SLC2A9: variants seen among roughly 807,000 people sequenced by gnomAD.
SLC2A9 encodes the protein solute carrier family 2, facilitated glucose transporter member 9.
A neutral mutation model predicts 50.6 loss-of-function variants in SLC2A9; 39 were observed. The ratio of observed to expected loss-of-function variants is 0.77; its 90% confidence interval spans 0.60 to 1.01. The LOEUF (loss-of-function observed/expected upper bound fraction) is 1.01, where lower values mean the gene tolerates loss of function less well. SLC2A9 is among the 50% of genes least tolerant of loss of function. The pLI, the probability that SLC2A9 is intolerant of heterozygous loss-of-function variation, is 0.00. For synonymous variants in SLC2A9, 324 were observed against 276.9 expected (o/e 1.17, Z -1.69); for missense variants, 686 against 677.6 (o/e 1.01, Z -0.14).
intron 2 of SLC2A9, among the ~76,000 whole-genome samples, chr4:10,005,662 G>C (rs1287052034): frequency 6.6e-6 from 1 of 152,188 alleles, no homozygotes; most frequent in Non-Finnish European, 1.5e-5. Context: ...AGCCTAAACT[G>C]CAAACAACTG....
intron 5 of SLC2A9, among the ~76,000 whole-genome samples, chr4:9,954,566 T>C (rs1750878021): frequency 6.6e-6 from 1 of 152,194 alleles, no homozygotes; most frequent in Admixed American, 6.5e-5. Flanking sequence ...TGAGACCTTT[T>C]TCTCCCTCTT....
intron 1 of SLC2A9, among the ~76,000 whole-genome samples, chr4:10,031,782 C>T (rs1763948046): frequency 6.6e-6 from 1 of 152,182 alleles, no homozygotes; most frequent in South Asian, 2.1e-4. Context: ...AGAAGGATGT[C>T]CCATGTCCTG....
intron 5 of SLC2A9, among the ~76,000 whole-genome samples, chr4:9,959,462 G>A (rs1751883858): frequency 6.6e-6 from 1 of 150,496 alleles, no homozygotes; most frequent in Non-Finnish European, 1.5e-5. Flanking sequence ...AGACATCAAT[G>A]GATAATATCT....
chr4:9,992,108 T>C (rs1235348579), intron 3 of SLC2A9, among the ~76,000 whole-genome samples: 1 of 152,220 alleles, frequency 6.6e-6, no homozygotes, highest in Non-Finnish European at 1.5e-5. Context: ...ATGCCTGTTG[T>C]TTGTGCTCAC....
chr4:9,845,447 T>TTTTTTTTTTTTTTTTTTTTGG (rs1728819871), intron 10 of SLC2A9, among the ~76,000 whole-genome samples: 1 of 134,460 alleles, frequency 7.4e-6, no homozygotes, highest in African/African-American at 3.0e-5. Flanking sequence ...TTTTTTTTTT[T>TTTTTTTTTTTTTTTTTTTTGG]GAGACGGAGT....
chr4:9,777,567 C>T (rs991353011), downstream of SLC2A9, among the ~76,000 whole-genome samples: 2 of 152,148 alleles, frequency 1.3e-5, no homozygotes, highest in African/African-American at 4.8e-5. Flanking sequence ...TGGCCAGCGT[C>T]TGTGCACCTT....
intron 8 of SLC2A9, among the ~76,000 whole-genome samples, chr4:9,907,752 G>A (rs1367275518): frequency 2.0e-5 from 3 of 152,200 alleles, no homozygotes; most frequent in African/African-American, 7.2e-5. Context: ...TTTATTAAAA[G>A]GAAGATGACA....
At chr4:9,926,786 G>T (rs1265356721) in intron 6 of SLC2A9, among the ~76,000 whole-genome samples, 1 of 152,110 alleles carries the variant, frequency 6.6e-6, no homozygotes, top group Non-Finnish European at 1.5e-5. Flanking sequence ...ACTGTAGGAG[G>T]ATGGACTCTG....
chr4:9,918,582 T>A (rs1385115376), intron 7 of SLC2A9, among the ~76,000 whole-genome samples: 1 of 152,212 alleles, frequency 6.6e-6, no homozygotes, highest in Non-Finnish European at 1.5e-5. Context: ...TTTCTTTATG[T>A]CTTTAGGCCT....
intron 8 of SLC2A9, among the ~76,000 whole-genome samples, chr4:9,899,504 G>T (rs1393306013): frequency 1.3e-5 from 2 of 152,202 alleles, no homozygotes; most frequent in Admixed American, 6.5e-5. Flanking sequence ...TGTGGTTATT[G>T]CAAGTTAGTG....
intron 5 of SLC2A9, among the ~76,000 whole-genome samples, chr4:9,974,881 A>C (rs1004341600): frequency 3.3e-5 from 5 of 152,272 alleles, no homozygotes; most frequent in African/African-American, 1.2e-4. Flanking sequence ...TAACCAAAAC[A>C]GTATGGTACT....
At chr4:9,995,392 G>C (rs750189020) in intron 3 of SLC2A9, among the ~76,000 whole-genome samples, 1 of 152,158 alleles carries the variant, frequency 6.6e-6, no homozygotes, top group African/African-American at 2.4e-5. Context: ...ATGTTTTCAG[G>C]GTGGCTTCCT....
chr4:9,901,748 T>C (rs965756614), intron 8 of SLC2A9, among the ~76,000 whole-genome samples: 5 of 151,348 alleles, frequency 3.3e-5, no homozygotes, highest in African/African-American at 7.3e-5. Context: ...CAGACATCCC[T>C]GTCACCTCTC....
intron 1 of SLC2A9, among the ~76,000 whole-genome samples, chr4:10,032,314 CAGA>C (rs1763963295): frequency 6.6e-6 from 1 of 152,074 alleles, no homozygotes; most frequent in Non-Finnish European, 1.5e-5. Context: ...GGGGTCCAGG[CAGA>C]AGGAGCAGCA....
chr4:9,884,639 T>C (rs1735843442), intron 10 of SLC2A9, among the ~76,000 whole-genome samples: 1 of 152,166 alleles, frequency 6.6e-6, no homozygotes, highest in Admixed American at 6.5e-5. Flanking sequence ...TTCTCAGAAA[T>C]ACCATTTGAC....
chr4:9,931,768 A>T (rs1745968143), intron 6 of SLC2A9, among the ~76,000 whole-genome samples: 2 of 151,592 alleles, frequency 1.3e-5, no homozygotes, highest in Admixed American at 1.3e-4. Context: ...GCGTGCAAAG[A>T]TCCACTGTGT....
chr4:9,783,157 C>A, intron 3 of SLC2A9: 1 of 1,614,246 alleles, frequency 6.2e-7, no homozygotes, highest in Non-Finnish European at 8.5e-7. Flanking sequence ...TGGGGTGCAG[C>A]CACTTCTGCT....
intron 4 of SLC2A9, among the ~76,000 whole-genome samples, 194 bp from the exon 5 acceptor site, chr4:9,980,931 TGGA>T (rs1177927336): frequency 6.6e-6 from 1 of 152,154 alleles, no homozygotes. Flanking sequence ...AAAGTATGAC[TGGA>T]GGTGCATTTC....
intron 5 of SLC2A9, among the ~76,000 whole-genome samples, chr4:9,946,488 C>T (rs1749182395): frequency 6.6e-6 from 1 of 152,206 alleles, no homozygotes; most frequent in African/African-American, 2.4e-5. Flanking sequence ...GGGGTTGATG[C>T]TGGCTGGGCC....
Sources: allele counts gnomAD v4.1 joint callset (sites outside exome capture counted in the v4.1 genomes callset), GRCh38; gene constraint gnomAD v4.1.1; transcripts MANE v1.5; gene names NCBI Gene and HGNC (gene_info 2026-07-23, HGNC 2026-07-21).